The following SUGCT variants were observed in gnomAD, a reference collection of about 807,000 sequenced individuals.
SUGCT encodes succinyl-CoA:glutarate-CoA transferase, also known as succinyl-CoA:glutarate CoA-transferase.
SUGCT carries 41 observed loss-of-function variants against 55.0 expected under a neutral mutation model. The ratio of observed to expected loss-of-function variants is 0.74; its 90% CI spans 0.58 to 0.97. The LOEUF (loss-of-function observed/expected upper bound fraction) is 0.97, where lower values mean the gene tolerates loss of function less well. Among genes scored for constraint, SUGCT ranks in the 50% least tolerant of loss-of-function variants. SUGCT has a pLI of 0.00. For synonymous variants in SUGCT, 187 were observed against 200.4 expected, an observed-to-expected ratio of 0.93 and a Z score of 0.56; for missense variants, 568 against 547.8, an observed-to-expected ratio of 1.04 and a Z score of -0.37.
chr7:40,415,432 T>C (rs1236994170), intron 9 of SUGCT, among the ~76,000 whole-genome samples: 1 of 151,686 alleles, frequency 6.6e-6, no homozygotes, highest in Non-Finnish European at 1.5e-5. Flanking sequence ...TTTTTTTTTT[T>C]ACTAATATGT....
intron 9 of SUGCT, among the ~76,000 whole-genome samples, chr7:40,339,678 G>T (rs1796937602): frequency 6.6e-6 from 1 of 152,174 alleles, no homozygotes; most frequent in Non-Finnish European, 1.5e-5. Context: ...GGTATTCCCT[G>T]ACCCCTTGCG....
chr7:40,558,496 A>G (rs1795672715), intron 12 of SUGCT, among the ~76,000 whole-genome samples: 1 of 152,254 alleles, frequency 6.6e-6, no homozygotes. Flanking sequence ...GCTAAGTAAA[A>G]TAAGTAGGGA....
intron 12 of SUGCT, among the ~76,000 whole-genome samples, chr7:40,744,089 A>T (rs896779215): frequency 2.2e-5 from 3 of 137,510 alleles, no homozygotes; most frequent in African/African-American, 2.7e-5. Flanking sequence ...ACCTGGCTAA[A>T]TTTTTTTTTT....
At chr7:40,788,620 T>C (rs958490086) in intron 13 of SUGCT, among the ~76,000 whole-genome samples, 1 of 152,238 alleles carries the variant, frequency 6.6e-6, no homozygotes, top group Admixed American at 6.5e-5. Context: ...TCTCTTCAGA[T>C]GGATCTCTGT....
intron 13 of SUGCT, among the ~76,000 whole-genome samples, chr7:40,776,063 A>ATATT (rs1789433970): frequency 6.6e-6 from 1 of 152,168 alleles, no homozygotes; most frequent in Non-Finnish European, 1.5e-5. Context: ...CTGCTGAGCC[A>ATATT]TATTGCAGTT....
At chr7:40,289,123 C>T (rs1793550703) in intron 8 of SUGCT, among the ~76,000 whole-genome samples, 1 of 152,024 alleles carries the variant, frequency 6.6e-6, no homozygotes, top group African/African-American at 2.4e-5. Flanking sequence ...GAATATGCCA[C>T]CTTACATGGT....
intron 13 of SUGCT, among the ~76,000 whole-genome samples, chr7:40,832,212 A>C (rs994610789): frequency 3.9e-5 from 6 of 152,152 alleles, no homozygotes; most frequent in Non-Finnish European, 8.8e-5. Flanking sequence ...GGCATCCAAC[A>C]GTTCTGGTTC....
chr7:40,914,755 T>C, the SUGCT span, among the ~76,000 whole-genome samples: 1 of 152,184 alleles, frequency 6.6e-6, no homozygotes, highest in Admixed American at 6.5e-5. Context: ...GCTGCAGCAT[T>C]ATGGAATTTG....
intron 8 of SUGCT, among the ~76,000 whole-genome samples, chr7:40,309,371 C>T (rs907176446): frequency 1.3e-5 from 2 of 152,060 alleles, no homozygotes; most frequent in Admixed American, 6.5e-5. Context: ...GGCTCTATCT[C>T]GGCTCACTGC....
intron 9 of SUGCT, among the ~76,000 whole-genome samples, chr7:40,339,676 C>A (rs142872857): frequency 4.2e-4 from 64 of 152,320 alleles, no homozygotes; most frequent in Admixed American, 1.4e-3. Flanking sequence ...AGGGTATTCC[C>A]TGACCCCTTG....
At chr7:40,239,916 C>T (rs537446825) in intron 7 of SUGCT, among the ~76,000 whole-genome samples, 19 of 152,228 alleles carry the variant, frequency 1.2e-4, no homozygotes, top group Admixed American at 3.3e-4. Flanking sequence ...AAGTAGTTAC[C>T]GCATCTGTTT....
At chr7:40,920,994 G>A in the SUGCT span, among the ~76,000 whole-genome samples, 14 of 152,158 alleles carry the variant, frequency 9.2e-5, no homozygotes, top group African/African-American at 3.1e-4. Context: ...GAAGTGGACA[G>A]GTTGGTGTTG....
chr7:40,618,257 G>A (rs981694100), intron 12 of SUGCT, among the ~76,000 whole-genome samples: 5 of 152,010 alleles, frequency 3.3e-5, no homozygotes, highest in Admixed American at 6.6e-5. Flanking sequence ...TCTACCCACC[G>A]TCTTCTGCAT....
At chr7:40,816,890 T>G (rs1373683744) in intron 13 of SUGCT, among the ~76,000 whole-genome samples, 18 of 152,182 alleles carry the variant, frequency 1.2e-4, no homozygotes, top group Admixed American at 9.8e-4. Flanking sequence ...AACCAGGGCT[T>G]GGTTTGGTAG....
chr7:40,763,583 G>C (rs1449728496), intron 13 of SUGCT, among the ~76,000 whole-genome samples: 2 of 152,152 alleles, frequency 1.3e-5, no homozygotes, highest in East Asian at 3.9e-4. Flanking sequence ...ACTCAGGCTT[G>C]ACACAGATAA....
At chr7:40,820,949 G>C (rs372197464) in intron 13 of SUGCT, among the ~76,000 whole-genome samples, 1 of 152,192 alleles carries the variant, frequency 6.6e-6, no homozygotes, top group Middle Eastern at 3.4e-3. Flanking sequence ...TCAATACCTA[G>C]TTTATTGAGA....
intron 12 of SUGCT, among the ~76,000 whole-genome samples, chr7:40,570,679 C>A (rs1796393283): frequency 1.3e-5 from 2 of 152,048 alleles, no homozygotes; most frequent in Admixed American, 1.3e-4. Context: ...TTTGACTTTG[C>A]AGCAATTGTA....
rs570096933 is a variant in SUGCT, at chr7:40,703,155, C to G, written c.1090-46279C>G. On this transcript the variant is annotated intron_variant, in intron 12 of 13. Transcript: ENST00000335693. ...TCTCAGCTCACTGCAAACTCCGCCT[C>G]TCGGGTTCAAGTGATTCTCCTGCCT... 2.2e-4 allele frequency among the ~76,000 whole-genome samples: 34 copies of G among 151,130 alleles called. 1 individual carries two copies. The South Asian group carries it at 6.9e-3, about 31-fold the overall frequency.
intron 12 of SUGCT, among the ~76,000 whole-genome samples, chr7:40,687,064 G>A (rs570743869): frequency 6.6e-6 from 1 of 151,974 alleles, no homozygotes; most frequent in South Asian, 2.1e-4. Context: ...CATCTTCTAA[G>A]TTGATTACTG....
Sources: allele counts gnomAD v4.1 joint callset (sites outside exome capture counted in the v4.1 genomes callset), GRCh38; gene constraint gnomAD v4.1.1; transcripts MANE v1.5; gene names NCBI Gene and HGNC (gene_info 2026-07-23, HGNC 2026-07-21).